Variants in L3MBTL4 observed in about 807,000 individuals in gnomAD.
The protein encoded by L3MBTL4 is lethal(3)malignant brain tumor-like protein 4.
L3MBTL4 carries 70 observed loss-of-function variants against 84.5 expected under a neutral mutation model. The observed-to-expected ratio is 0.83, with a 90% confidence interval of 0.68 to 1.01. L3MBTL4 has a LOEUF of 1.01. L3MBTL4 is among the 50% of genes least tolerant of loss of function. The pLI is 0.00. For missense variants in L3MBTL4, 715 were observed against 754.8 expected (o/e 0.95, Z 0.62); for synonymous variants, 274 against 259.8 (o/e 1.05, Z -0.52).
chr18:6,099,332 A>G (rs1358456328), intron 14 of L3MBTL4, among the ~76,000 whole-genome samples: 1 of 151,964 alleles, frequency 6.6e-6, no homozygotes, highest in Non-Finnish European at 1.5e-5. Context: ...AATAAATACC[A>G]AAATGCAGAT....
chr18:6,049,633 C>T (rs563407601), intron 16 of L3MBTL4, among the ~76,000 whole-genome samples: 4 of 152,222 alleles, frequency 2.6e-5, no homozygotes, highest in Admixed American at 2.6e-4. Flanking sequence ...TCAAATACTG[C>T]ATGTACGTGG....
intron 4 of L3MBTL4, among the ~76,000 whole-genome samples, chr18:6,282,610 T>G (rs2049370661): frequency 6.6e-6 from 1 of 152,128 alleles, no homozygotes; most frequent in Non-Finnish European, 1.5e-5. Flanking sequence ...CTTCAGAGCT[T>G]GGAGGCCTTA....
At chr18:6,229,796 G>GT (rs2046921262) in intron 10 of L3MBTL4, among the ~76,000 whole-genome samples, 1 of 152,132 alleles carries the variant, frequency 6.6e-6, no homozygotes, top group Non-Finnish European at 1.5e-5. Flanking sequence ...CTGCAAGGGT[G>GT]TATTTGTGAG....
intron 1 of L3MBTL4, among the ~76,000 whole-genome samples, chr18:6,339,358 C>G (rs1223989761): frequency 6.6e-6 from 1 of 152,152 alleles, no homozygotes. Flanking sequence ...AACAGAAAAT[C>G]CTCAACTGCT....
At chr18:6,150,379 G>T (rs2042841224) in intron 13 of L3MBTL4, among the ~76,000 whole-genome samples, 1 of 151,946 alleles carries the variant, frequency 6.6e-6, no homozygotes, top group Non-Finnish European at 1.5e-5. Context: ...CCAGTAAGCT[G>T]CTTTTGGGCA....
chr18:5,960,100 C>A lies in L3MBTL4; in HGVS notation c.1671G>T (p.Lys557Asn), dbSNP rs775292808. ...LGCEEHAKCF[K>N]KEQIDGKAFL... ...TAATTTTTGCATCTCTTACCTCTTT[C>A]TTAAAGCACTTGGCATGCTCTTCAC... Residue 557 changes from lysine to asparagine, a missense_variant, in exon 18 of 19, where the codon AAG (lysine) becomes AAT (asparagine). Physicochemically the swap from Lys to Asn is moderately conservative, Grantham distance 94. Coordinates refer to ENST00000317931, the MANE Select transcript of L3MBTL4 (RefSeq NM_001330559.2). 6.7e-7 allele frequency: 1 copy of A among 1,483,090 alleles called. No individual in the cohort carries two copies. Among genetic ancestry groups the A allele is most frequent in the Non-Finnish European group, 9.0e-7 (1 of 1,108,648 alleles). The allele number at this position is 1,483,090 out of a possible 1,614,324, so 91.9% of individuals were successfully genotyped here.
intron 1 of L3MBTL4, among the ~76,000 whole-genome samples, chr18:6,317,574 A>G (rs1468056134): frequency 2.6e-5 from 4 of 152,194 alleles, no homozygotes; most frequent in Non-Finnish European, 1.5e-5. Context: ...ATAAGAAGGA[A>G]TGAACAAACT....
intron 5 of L3MBTL4, among the ~76,000 whole-genome samples, chr18:6,252,904 A>G (rs917920383): frequency 6.6e-6 from 1 of 152,206 alleles, no homozygotes; most frequent in African/African-American, 2.4e-5. Flanking sequence ...CAACTACTTA[A>G]GCCTTAAAAC....
intron 12 of L3MBTL4, among the ~76,000 whole-genome samples, chr18:6,183,022 G>C (rs1568272564): frequency 6.6e-6 from 1 of 152,156 alleles, no homozygotes; most frequent in Non-Finnish European, 1.5e-5. Context: ...ATCTACATAA[G>C]TTTCCATTTT....
intron 16 of L3MBTL4, among the ~76,000 whole-genome samples, chr18:5,981,812 T>A (rs1278944086): frequency 6.6e-6 from 1 of 152,052 alleles, no homozygotes; most frequent in Admixed American, 6.5e-5. Context: ...AAAAAAAATT[T>A]TTTTTTTAAA....
At chr18:6,080,126 C>T (rs536855880) in intron 16 of L3MBTL4, 1 of 152,442 alleles carries the variant, frequency 6.6e-6, no homozygotes, top group Non-Finnish European at 1.5e-5. Context: ...CACAGTCCAG[C>T]ACAGTGTGCT....
At chr18:6,174,799 C>T (rs1568256876) in intron 12 of L3MBTL4, among the ~76,000 whole-genome samples, 1 of 147,126 alleles carries the variant, frequency 6.8e-6, no homozygotes, top group Non-Finnish European at 1.5e-5. Flanking sequence ...ACATGGGAAG[C>T]GGAGTTTGCA....
chr18:6,315,623 C>G (rs925291218), intron 1 of L3MBTL4, among the ~76,000 whole-genome samples: 1 of 152,198 alleles, frequency 6.6e-6, no homozygotes, highest in African/African-American at 2.4e-5. Flanking sequence ...TCTTTGAACA[C>G]CATACTATGC....
chr18:5,984,233 C>T (rs565799504), intron 16 of L3MBTL4, among the ~76,000 whole-genome samples: 2 of 152,268 alleles, frequency 1.3e-5, no homozygotes, highest in East Asian at 3.9e-4. Context: ...TATTTAAAGG[C>T]CATGTAAATT....
chr18:6,330,373 G>A (rs141183898), intron 1 of L3MBTL4, among the ~76,000 whole-genome samples: 261 of 152,338 alleles, frequency 1.7e-3, no homozygotes, highest in African/African-American at 5.9e-3. Flanking sequence ...AGCTCTAGAA[G>A]ATAATCCATT....
chr18:6,285,101 C>G (rs1476317532), intron 4 of L3MBTL4, among the ~76,000 whole-genome samples: 2 of 152,242 alleles, frequency 1.3e-5, no homozygotes, highest in Non-Finnish European at 2.9e-5. Flanking sequence ...GGTATTAACG[C>G]CCACTCAGGG....
At chr18:6,393,158 C>T (rs954083782) in intron 1 of L3MBTL4, among the ~76,000 whole-genome samples, 4 of 152,160 alleles carry the variant, frequency 2.6e-5, no homozygotes, top group Non-Finnish European at 4.4e-5. Flanking sequence ...GCGAATTCAA[C>T]GGGCCAAATG....
At chr18:6,212,409 T>A (rs2046148119) in intron 12 of L3MBTL4, among the ~76,000 whole-genome samples, 2 of 152,212 alleles carry the variant, frequency 1.3e-5, no homozygotes, top group African/African-American at 4.8e-5. Context: ...GACTTCAATC[T>A]TTATTATTAT....
chr18:6,131,544 A>G (rs1041635574), intron 14 of L3MBTL4, among the ~76,000 whole-genome samples: 1 of 146,478 alleles, frequency 6.8e-6, no homozygotes, highest in Non-Finnish European at 1.5e-5. Flanking sequence ...TTTGGAATAC[A>G]CAAGTTTTAC....
Sources: gnomAD v4.1 joint callset for allele counts (sites outside exome capture counted in the v4.1 genomes callset) on GRCh38, gnomAD v4.1.1 for gene constraint, MANE v1.5 for transcripts, NCBI Gene and HGNC (gene_info 2026-07-23, HGNC 2026-07-21) for gene names.